The following MAPRE1 variants were observed in gnomAD, a reference collection of about 807,000 sequenced individuals.
The protein encoded by MAPRE1 is microtubule-associated protein RP/EB family member 1.
Under a neutral mutation model 32.1 loss-of-function variants are expected in MAPRE1, and 5 were observed. The observed-to-expected ratio is 0.16, with a 90% CI of 0.08 to 0.33. MAPRE1 has a LOEUF of 0.33. Ranked by LOEUF, MAPRE1 falls within the 10% of genes least tolerant of loss-of-function variation. The pLI is 1.00. For missense variants in MAPRE1, 209 were observed against 327.2 expected (o/e 0.64, Z 2.79); for synonymous variants, 122 against 118.9 (o/e 1.03, Z -0.17).
At chr20:32,839,546 A>G (rs1208085625) in intron 4 of MAPRE1, among the ~76,000 whole-genome samples, 189 bp from the exon 5 acceptor site, 1 of 152,226 alleles carries the variant, frequency 6.6e-6, no homozygotes, top group East Asian at 1.9e-4. Flanking sequence ...CTCTGCTGCC[A>G]GGATAGAAAC....
chr20:32,822,232 C>G (rs1982722595), intron 1 of MAPRE1, among the ~76,000 whole-genome samples: 1 of 152,128 alleles, frequency 6.6e-6, no homozygotes, highest in Non-Finnish European at 1.5e-5. Flanking sequence ...GCATGATGCA[C>G]ACGATACAGT....
In MAPRE1 at chr20:32,848,875, C is replaced by T. The variant is rs1061992; in HGVS notation, c.*147C>T. 17,696 of 572,414 alleles carry T rather than the reference C, an allele frequency of 0.031. 324 individuals carry two copies. Among genetic ancestry groups the T allele is most frequent in the Non-Finnish European group, 0.04 (13,313 of 336,182 alleles). The allele number at this position is 572,414 out of a possible 1,614,324, so 35.5% of individuals were successfully genotyped here. A position where few individuals can be genotyped will look rare whatever the true frequency, so the allele number is the denominator to read the frequency against. On this transcript the variant is annotated 3_prime_UTR_variant, in exon 7 of 7. Coordinates refer to ENST00000375571, the MANE Select transcript of MAPRE1 (RefSeq NM_012325.3). ...CTCTTCTTAAAGTGCACTTTGCAGA[C>T]GTTTCACTCCTTTTCCAATAAGTTT...
At chr20:32,841,063 G>A (rs1172039601) in intron 5 of MAPRE1, among the ~76,000 whole-genome samples, 3 of 152,196 alleles carry the variant, frequency 2.0e-5, no homozygotes, top group South Asian at 2.1e-4. Context: ...TGATCCACCT[G>A]CCTTGGCCTC....
At chr20:32,830,567 G>A (rs1982987982) in intron 2 of MAPRE1, among the ~76,000 whole-genome samples, 2 of 152,088 alleles carry the variant, frequency 1.3e-5, no homozygotes, top group African/African-American at 2.4e-5. Context: ...TCTAGATCCA[G>A]CCCCTTCTCA....
chr20:32,846,705 C>T lies in MAPRE1; in HGVS notation c.685C>T (p.Gln229Ter). 1 of 1,614,014 alleles carries T rather than the reference C, an allele frequency of 6.2e-7. No individual in the cohort carries two copies. Among genetic ancestry groups the T allele is most frequent in the Non-Finnish European group, 8.5e-7 (1 of 1,179,942 alleles). The change falls in exon 6 of 7, where the codon CAG becomes TAG. Residue 229 changes from glutamine (Q) to a stop codon, truncating the protein, a stop_gained. Coordinates refer to ENST00000375571, the MANE Select transcript of MAPRE1 (RefSeq NM_012325.3). LOFTEE classifies it high-confidence loss of function. ...GCTACGGAACATTGAATTGATTTGC[C>T]AGGAGAACGAGGGGGAAAACGACCC... ...GKLRNIELIC[Q>*]ENEGENDPVL...
intron 2 of MAPRE1, among the ~76,000 whole-genome samples, chr20:32,831,552 G>A (rs1218345348): frequency 1.3e-5 from 2 of 148,706 alleles, no homozygotes; most frequent in Non-Finnish European, 3.0e-5. Context: ...TTTTTGAGAC[G>A]GAGTCTTGCT....
At chr20:32,844,230 A>G (rs1385752552) in intron 5 of MAPRE1, among the ~76,000 whole-genome samples, 1 of 151,864 alleles carries the variant, frequency 6.6e-6, no homozygotes, top group Non-Finnish European at 1.5e-5. Flanking sequence ...CTTAGTATAT[A>G]TTTTTTTAGT....
At chr20:32,836,880 T>C (rs909668021) in intron 4 of MAPRE1, 39 bp downstream of exon 4, 7 of 1,536,734 alleles carry the variant, frequency 4.6e-6, no homozygotes, top group East Asian at 4.5e-5. Flanking sequence ...AAAAATAGCG[T>C]TCCAGATATT....
At chr20:32,820,838 G>T (rs1325645544) in intron 1 of MAPRE1, among the ~76,000 whole-genome samples, 1 of 152,174 alleles carries the variant, frequency 6.6e-6, no homozygotes, top group Admixed American at 6.5e-5. Context: ...GGATCCTGGG[G>T]CCCATTGAGG....
chr20:32,821,069 C>T (rs77912496), intron 1 of MAPRE1, among the ~76,000 whole-genome samples: 15 of 149,396 alleles, frequency 1.0e-4, no homozygotes, highest in East Asian at 9.8e-4. Flanking sequence ...GTTGCCCAGG[C>T]GTGCAGTGGC....
At chr20:32,834,507 G>C (rs1983130509) in intron 3 of MAPRE1, among the ~76,000 whole-genome samples, 1 of 151,768 alleles carries the variant, frequency 6.6e-6, no homozygotes, top group South Asian at 2.1e-4. Context: ...CCCCACCCTT[G>C]TGAAGGGTTT....
Position 32,833,751 on chromosome 20 carries a change from C to T in MAPRE1, c.156C>T (p.Phe52=). 1 of 1,613,854 alleles carries T rather than the reference C, an allele frequency of 6.2e-7. No individual in the cohort carries two copies. Residue 52 remains phenylalanine, a synonymous_variant, in exon 3 of 7, where the codon TTC becomes TTT. Coordinates refer to ENST00000375571, the MANE Select transcript of MAPRE1 (RefSeq NM_012325.3). ...AAYCQFMDML[F]PGSIALKKVK... Reference sequence around the variant, plus strand: ...ATTGTCAGTTTATGGACATGCTGTTCCCTGGCTCCATTGCCTTGAAGAAAG... The same window carrying T: ...ATTGTCAGTTTATGGACATGCTGTTTCCTGGCTCCATTGCCTTGAAGAAAG...
At chr20:32,846,113 A>G (rs900352181) in intron 5 of MAPRE1, among the ~76,000 whole-genome samples, 3 of 152,310 alleles carry the variant, frequency 2.0e-5, no homozygotes, top group Non-Finnish European at 4.4e-5. Context: ...GGACTGAGAC[A>G]GATTTCTTCA....
intron 3 of MAPRE1, among the ~76,000 whole-genome samples, chr20:32,835,766 C>G (rs970332269): frequency 2.0e-5 from 3 of 151,648 alleles, no homozygotes; most frequent in Non-Finnish European, 2.9e-5. Flanking sequence ...CCACCACACC[C>G]GGCTAATTTT....
At chr20:32,835,699 G>A (rs1307687160) in intron 3 of MAPRE1, among the ~76,000 whole-genome samples, 4 of 151,124 alleles carry the variant, frequency 2.6e-5, no homozygotes, top group Non-Finnish European at 5.9e-5. Flanking sequence ...TCCACCTCCC[G>A]GGTTCAAGTG....
In MAPRE1 at chr20:32,849,968, C is replaced by T. The variant is rs1474034694; in HGVS notation, c.*1240C>T. On this transcript the variant is annotated 3_prime_UTR_variant, in exon 7 of 7. Coordinates refer to ENST00000375571, the MANE Select transcript of MAPRE1 (RefSeq NM_012325.3). Reference sequence around the variant, plus strand: ...GAATTAATTATTAATATTTAAAATACTTCATTCCTTAACTCTCCCTCATTT... The same window carrying T: ...GAATTAATTATTAATATTTAAAATATTTCATTCCTTAACTCTCCCTCATTT... The T allele has an allele frequency of 1.3e-5, 2 of 152,584 alleles. No homozygotes were observed. The highest frequency in any genetic ancestry group is 2.9e-5 in the Non-Finnish European group (2 of 68,026). 9.5% of individuals were successfully genotyped at this position (152,584 alleles called of 1,614,324 possible).
intron 4 of MAPRE1, among the ~76,000 whole-genome samples, chr20:32,839,491 G>C (rs374850553): frequency 1.2e-4 from 19 of 152,174 alleles, no homozygotes; most frequent in African/African-American, 4.3e-4. Context: ...CTCACTGAAG[G>C]ACTTATTCCC....
chr20:32,839,050 A>T (rs982334888), intron 4 of MAPRE1, among the ~76,000 whole-genome samples: 1 of 152,196 alleles, frequency 6.6e-6, no homozygotes, highest in African/African-American at 2.4e-5. Flanking sequence ...AGACGTCTAT[A>T]AATACTAGTC....
At chr20:32,824,738 GCT>G (rs1426053752) in intron 1 of MAPRE1, among the ~76,000 whole-genome samples, 1 of 149,578 alleles carries the variant, frequency 6.7e-6, no homozygotes, top group Admixed American at 6.7e-5. Context: ...GGACTCAGGC[GCT>G]CCTCCCACGT....
Sources: gnomAD v4.1 joint callset for allele counts (sites outside exome capture counted in the v4.1 genomes callset) on GRCh38, gnomAD v4.1.1 for gene constraint, MANE v1.5 for transcripts, NCBI Gene and HGNC (gene_info 2026-07-23, HGNC 2026-07-21) for gene names.